Variants in NR1I3 observed in about 807,000 individuals in gnomAD.
NR1I3 encodes nuclear receptor subfamily 1 group I member 3.
Under a neutral mutation model 38.4 loss-of-function variants are expected in NR1I3, and 30 were observed. That is an observed-to-expected ratio of 0.78 (90% CI 0.58 to 1.06). The LOEUF is 1.06. NR1I3 is among the 50% of genes least tolerant of loss of function. The pLI, the probability that NR1I3 is intolerant of heterozygous loss-of-function variation, is 0.00. For synonymous variants in NR1I3, 143 were observed against 165.1 expected (o/e 0.87, Z 1.03); for missense variants, 388 against 435.7 (o/e 0.89, Z 0.97).
intron 1 of NR1I3, 43 bp from the exon 2 acceptor site, chr1:161,236,641 GA>G: frequency 6.3e-7 from 1 of 1,591,780 alleles, no homozygotes; most frequent in Non-Finnish European, 8.5e-7. Flanking sequence ...GGCCACCCTT[GA>G]CCCTTTTCTG....
intron 8 of NR1I3, chr1:161,230,335 C>T: frequency 3.3e-6 from 1 of 304,706 alleles, no homozygotes; most frequent in Non-Finnish European, 6.1e-6. Context: ...GCGGTGCATA[C>T]CTCAGAGCCT....
rs1369308507 is a variant in NR1I3, at chr1:161,233,190, A to G, written c.387T>C (p.Phe129=). The G allele has an allele frequency of 4.3e-6, 7 of 1,614,074 alleles. No homozygotes were observed. The highest frequency in any genetic ancestry group is 1.7e-6 in the Non-Finnish European group (2 of 1,180,036). ...TCACCCTAAACTGCACAAACTGTTC[A>G]AACATGGTGCCCATGTGGCGGGTGT... ...GAHTRHMGTM[F]EQFVQFRPPA... Residue 129 remains phenylalanine, a synonymous_variant, in exon 4 of 9, where the codon TTT becomes TTC. Transcript: ENST00000367983.
At chr1:161,235,118 G>GCAA (rs2102178460) in intron 3 of NR1I3, 1 of 152,746 alleles carries the variant, frequency 6.5e-6, no homozygotes, top group East Asian at 1.9e-4. Context: ...TCCAGCCTGG[G>GCAA]CAACAGAGTA....
chr1:161,237,185 C>T (rs558827082), intron 1 of NR1I3, among the ~76,000 whole-genome samples: 18 of 150,698 alleles, frequency 1.2e-4, no homozygotes, highest in African/African-American at 4.1e-4. Flanking sequence ...TTCCTCCCTC[C>T]CTCTCTTATT....
At chr1:161,230,755 T>G (rs769264451) in intron 8 of NR1I3, 58 bp downstream of exon 8, 1 of 1,611,020 alleles carries the variant, frequency 6.2e-7, no homozygotes, top group South Asian at 1.1e-5. Context: ...AAGCTCAATG[T>G]TTCACCAACC....
At chr1:161,233,065 ATCTGT>A in intron 4 of NR1I3, 99 bp downstream of exon 4, 4 of 1,576,508 alleles carry the variant, frequency 2.5e-6, no homozygotes, top group Non-Finnish European at 3.5e-6. Context: ...GGTTCTGGAG[ATCTGT>A]TCTCAGTATC....
At chr1:161,233,080 C>G (rs1667715701) in intron 4 of NR1I3, 89 bp downstream of exon 4, 1 of 1,572,484 alleles carries the variant, frequency 6.4e-7, no homozygotes, top group Admixed American at 1.7e-5. Context: ...TTCTCAGTAT[C>G]AGTGCATGGC....
intron 3 of NR1I3, chr1:161,235,416 C>T (rs1668417031): frequency 6.4e-6 from 1 of 157,334 alleles, no homozygotes; most frequent in South Asian, 1.8e-4. Flanking sequence ...AGGCGCCCGC[C>T]ACTACGGCCG....
chr1:161,236,586 C>T lies in NR1I3; in HGVS notation c.-21G>A. On this transcript the variant is annotated 5_prime_UTR_variant, in exon 2 of 9. Coordinates refer to ENST00000367983, the MANE Select transcript of NR1I3 (RefSeq NM_005122.5). ...GCCATGACGTCACGTGTTGGGGTGG[C>T]TGTCACAGACTCCTGAATGTAGGAG... 1 of 1,613,618 alleles carries T rather than the reference C, an allele frequency of 6.2e-7. No homozygotes were observed. The highest frequency in any genetic ancestry group is 8.5e-7 in the Non-Finnish European group (1 of 1,179,820).
chr1:161,237,675 G>A (rs961673977), intron 1 of NR1I3, among the ~76,000 whole-genome samples: 24 of 151,532 alleles, frequency 1.6e-4, no homozygotes, highest in Non-Finnish European at 2.1e-4. Context: ...CCGAGATTGC[G>A]CCACTGCACT....
At chr1:161,234,535 G>T (rs1668178929) in intron 3 of NR1I3, among the ~76,000 whole-genome samples, 2 of 152,136 alleles carry the variant, frequency 1.3e-5, no homozygotes, top group Non-Finnish European at 2.9e-5. Flanking sequence ...TGGGAGTCAG[G>T]TAAACTTGAG....
At chr1:161,232,334 G>A (rs1490801935) in intron 5 of NR1I3, among the ~76,000 whole-genome samples, 2 of 152,034 alleles carry the variant, frequency 1.3e-5, no homozygotes, top group East Asian at 3.9e-4. Context: ...GTCTCACTCT[G>A]TCACCCAGGC....
Position 161,229,875 on chromosome 1 carries a change from A to C in NR1I3, c.969T>G (p.Asn323Lys), listed in dbSNP as rs1187983944. The change falls in exon 9 of 9, where the codon AAT (asparagine) becomes AAG (lysine). Residue 323 changes from asparagine to lysine, a missense_variant. By Grantham distance (94) the Asn-to-Lys change is moderately conservative (BLOSUM62 0). Coordinates refer to ENST00000367983, the MANE Select transcript of NR1I3 (RefSeq NM_005122.5). ...GCTGGATTTGGTACCCGTAGGCCTC[A>C]TTAATGCTCCGGAGCTCAGCCAGCA... ...LGLLAELRSI[N>K]EAYGYQIQHI... The C allele has an allele frequency of 1.9e-6, 3 of 1,614,106 alleles. No individual in the cohort carries two copies. The highest frequency in any genetic ancestry group is 1.1e-5 in the South Asian group (1 of 91,084).
At chr1:161,237,055 T>A (rs1469257315) in intron 1 of NR1I3, among the ~76,000 whole-genome samples, 1 of 151,130 alleles carries the variant, frequency 6.6e-6, no homozygotes, top group East Asian at 1.9e-4. Flanking sequence ...GAGTGCATCA[T>A]AGTTCAATGT....
chr1:161,232,958 A>G lies in NR1I3; in HGVS notation c.409-12T>C. On this transcript the variant is annotated splice_polypyrimidine_tract_variant and intron_variant, in intron 4 of 8. Transcript: ENST00000367983. ...AGATGAGCTGGAGGCTGCAATGATCAGAACATTAGCTAGAGGCTCTGGCCC... is the reference window on the plus strand; with the variant it reads ...AGATGAGCTGGAGGCTGCAATGATCGGAACATTAGCTAGAGGCTCTGGCCC... The G allele has an allele frequency of 6.2e-7, 1 of 1,614,106 alleles. No homozygotes were observed. The highest frequency in any genetic ancestry group is 1.3e-5 in the African/African-American group (1 of 75,070).
chr1:161,231,561 C>T (rs1053098986), intron 5 of NR1I3, 87 bp from the exon 6 acceptor site: 10 of 1,355,744 alleles, frequency 7.4e-6, no homozygotes, highest in Middle Eastern at 2.6e-4. Flanking sequence ...AGTGCAGTGG[C>T]GTGATCTCTG....
In NR1I3 at chr1:161,230,529, A is replaced by G. The variant is rs898788284; in HGVS notation, c.917+284T>C. The G allele has an allele frequency of 8.6e-5, 47 of 548,716 alleles. No individual in the cohort carries two copies. In the Admixed American group the frequency reaches 1.4e-3, roughly 16 times the overall value. The allele number at this position is 548,716 out of a possible 1,614,324, so 34.0% of individuals were successfully genotyped here. ...GACTAGTGAGGTAATGGATGTCATC[A>G]ATCTCAGGAATGCTATTACCCAGAG... On this transcript the variant is annotated intron_variant, in intron 8 of 8. Transcript: ENST00000367983.
chr1:161,233,926 T>C (rs61801106), intron 3 of NR1I3, among the ~76,000 whole-genome samples: 2 of 117,062 alleles, frequency 1.7e-5, no homozygotes, highest in Non-Finnish European at 3.6e-5. Flanking sequence ...TATGTATATA[T>C]ATGTGTATAC....
In NR1I3 at chr1:161,236,447, G is replaced by C; in HGVS notation, c.107+12C>G. On this transcript the variant is annotated intron_variant, in intron 2 of 8. Transcript: ENST00000367983. ...TTTGGAGGGCTATTTCCATTGGGGA[G>C]GAGACTCTCACCTGAAGAAACCCTT... The C allele has an allele frequency of 1.2e-6, 2 of 1,614,014 alleles. No individual in the cohort carries two copies. Among genetic ancestry groups the C allele is most frequent in the Non-Finnish European group, 1.7e-6 (2 of 1,179,962 alleles).
Sources: gnomAD v4.1 joint callset for allele counts (sites outside exome capture counted in the v4.1 genomes callset) on GRCh38, gnomAD v4.1.1 for gene constraint, MANE v1.5 for transcripts, NCBI Gene and HGNC (gene_info 2026-07-23, HGNC 2026-07-21) for gene names.